DNER: variants seen among roughly 807,000 people sequenced by gnomAD.
DNER encodes delta and Notch-like epidermal growth factor-related receptor.
Under a neutral mutation model 78.2 loss-of-function variants are expected in DNER, and 33 were observed. That is an observed-to-expected ratio of 0.42 (90% CI 0.32 to 0.56). The LOEUF is 0.56. Ranked by LOEUF, DNER falls within the 20% of genes least tolerant of loss-of-function variation. DNER has a pLI of 0.11. For synonymous variants in DNER, 417 were observed against 384.8 expected (o/e 1.08, Z -0.98); for missense variants, 918 against 975.3 (o/e 0.94, Z 0.78).
intron 4 of DNER, among the ~76,000 whole-genome samples, chr2:229,575,930 A>G (rs1697290675): frequency 6.6e-6 from 1 of 152,232 alleles, no homozygotes; most frequent in Non-Finnish European, 1.5e-5. Flanking sequence ...AATTTAAGTA[A>G]AACTCAAATT....
chr2:229,560,407 A>G (rs1696933926), intron 4 of DNER, among the ~76,000 whole-genome samples: 1 of 152,220 alleles, frequency 6.6e-6, no homozygotes, highest in South Asian at 2.1e-4. Flanking sequence ...TTCACAGTCC[A>G]CAAAGTCCCA....
intron 7 of DNER, among the ~76,000 whole-genome samples, chr2:229,460,706 G>A (rs553166398): frequency 6.6e-6 from 1 of 152,060 alleles, no homozygotes; most frequent in Non-Finnish European, 1.5e-5. Context: ...GAGACCAGAC[G>A]TTGGTTGATT....
intron 1 of DNER, among the ~76,000 whole-genome samples, chr2:229,617,692 G>A (rs1193135268): frequency 6.6e-6 from 1 of 152,174 alleles, no homozygotes; most frequent in Non-Finnish European, 1.5e-5. Context: ...GGTAGCTCTC[G>A]CCTATAATCC....
chr2:229,549,464 C>T (rs1157405877), intron 4 of DNER, among the ~76,000 whole-genome samples: 4 of 152,172 alleles, frequency 2.6e-5, no homozygotes, highest in Non-Finnish European at 5.9e-5. Context: ...TGCCATCACA[C>T]CTGGATAATT....
Position 229,591,908 on chromosome 2 carries a change from G to A in DNER, c.277-20C>T, listed in dbSNP as rs372875282. ...AACAAGCTGAAACGAGACCATAAAT[G>A]GGTCAATTATTCCCTCATAAGAAAA... is the stretch of plus-strand genomic sequence containing the variant. On this transcript the variant is annotated intron_variant, in intron 1 of 12. Transcript: ENST00000341772. This position sits in a 1 kb window ranked among gnomAD's most constrained non-coding sequence, Gnocchi z 4.6. The A allele has an allele frequency of 1.5e-5, 22 of 1,498,534 alleles. No homozygotes were observed. Among genetic ancestry groups the A allele is most frequent in the Non-Finnish European group, 2.0e-5 (22 of 1,126,668 alleles). 92.8% of individuals were successfully genotyped at this position (1,498,534 alleles called of 1,614,324 possible). A position where few individuals can be genotyped will look rare whatever the true frequency, so the allele number is the denominator to read the frequency against.
intron 7 of DNER, among the ~76,000 whole-genome samples, chr2:229,450,444 T>C (rs754943770): frequency 1.3e-5 from 2 of 152,214 alleles, no homozygotes; most frequent in Non-Finnish European, 2.9e-5. Flanking sequence ...GGATTAGCAA[T>C]GTCATGGGTT....
intron 4 of DNER, among the ~76,000 whole-genome samples, chr2:229,564,611 A>ACATCACCATCATCATCCTCATCCTCACCC (rs1697064585): frequency 8.2e-6 from 1 of 122,148 alleles, no homozygotes; most frequent in Admixed American, 8.0e-5. Flanking sequence ...CATCCTCACC[A>ACATCACCATCATCATCCTCATCCTCACCC]CATCACCATC....
chr2:229,698,018 T>C (rs920798477), intron 1 of DNER, among the ~76,000 whole-genome samples: 1 of 151,966 alleles, frequency 6.6e-6, no homozygotes, highest in African/African-American at 2.4e-5. Flanking sequence ...CTGGGCAACC[T>C]AGAAGGACCC....
intron 6 of DNER, among the ~76,000 whole-genome samples, chr2:229,493,995 G>T (rs1695454276): frequency 6.6e-6 from 1 of 152,142 alleles, no homozygotes; most frequent in South Asian, 2.1e-4. Context: ...GGCGCTTCGG[G>T]TTCATATAAC....
intron 1 of DNER, among the ~76,000 whole-genome samples, chr2:229,626,855 G>GCCTGTT (rs1177799047): frequency 6.6e-6 from 1 of 152,160 alleles, no homozygotes; most frequent in African/African-American, 2.4e-5. Flanking sequence ...ATGCAGAAAT[G>GCCTGTT]CCTGTTTGAA....
intron 12 of DNER, among the ~76,000 whole-genome samples, chr2:229,365,788 A>G (rs991525235): frequency 1.3e-5 from 2 of 152,316 alleles, no homozygotes; most frequent in East Asian, 3.9e-4. Context: ...AAGATAGATC[A>G]TATAGCACCC....
In DNER at chr2:229,456,378, C is replaced by G. The variant is rs184857168; in HGVS notation, c.1262-8838G>C. Reference sequence around the variant, plus strand: ...GCCCCACCTCCAACACTGGGAATTACGTTTCCACATCAGATTTGAAGGGGA... The same window carrying G: ...GCCCCACCTCCAACACTGGGAATTAGGTTTCCACATCAGATTTGAAGGGGA... On this transcript the variant is annotated intron_variant, in intron 7 of 12. Coordinates refer to ENST00000341772, the MANE Select transcript of DNER (RefSeq NM_139072.4). 1.5e-4 allele frequency among the ~76,000 whole-genome samples: 23 copies of G among 151,614 alleles called. 1 individual carries two copies. The highest frequency in any genetic ancestry group is 2.9e-4 in the Non-Finnish European group (20 of 67,990).
chr2:229,668,518 G>GATACTTACCTATATATAGGTAAGTA (rs1559202046), intron 1 of DNER, among the ~76,000 whole-genome samples: 1 of 53,250 alleles, frequency 1.9e-5, no homozygotes, highest in African/African-American at 1.3e-4. Flanking sequence ...AGGTAAGTAT[G>GATACTTACCTATATATAGGTAAGTA]TGTGTGTGTG....
At chr2:229,581,418 A>T (rs1303398083) in intron 4 of DNER, among the ~76,000 whole-genome samples, 1 of 152,150 alleles carries the variant, frequency 6.6e-6, no homozygotes, top group Non-Finnish European at 1.5e-5. Context: ...ACAAAAGGCT[A>T]ATTTAGATAT....
chr2:229,478,864 T>C (rs547711644), intron 6 of DNER, among the ~76,000 whole-genome samples: 3 of 152,230 alleles, frequency 2.0e-5, no homozygotes, highest in Admixed American at 6.5e-5. Context: ...GTTTGTTACA[T>C]AGGTAAACGT....
intron 5 of DNER, among the ~76,000 whole-genome samples, chr2:229,530,005 A>T (rs1247308670): frequency 8.3e-6 from 1 of 120,596 alleles, no homozygotes; most frequent in African/African-American, 3.1e-5. Context: ...TCAAGTCTTT[A>T]AAAAAAAAAT....
At chr2:229,401,217 A>G (rs1444981368) in intron 10 of DNER, among the ~76,000 whole-genome samples, 1 of 152,066 alleles carries the variant, frequency 6.6e-6, no homozygotes. Context: ...TCACTCAGAC[A>G]TCGTTGGTGG....
chr2:229,510,847 G>C (rs531965589), intron 6 of DNER, among the ~76,000 whole-genome samples: 2 of 152,286 alleles, frequency 1.3e-5, no homozygotes, highest in South Asian at 4.1e-4. Flanking sequence ...CATATAAACT[G>C]ACTTGGTATG....
chr2:229,412,425 G>C (rs1464601083), intron 9 of DNER, among the ~76,000 whole-genome samples: 1 of 152,210 alleles, frequency 6.6e-6, no homozygotes, highest in African/African-American at 2.4e-5. Context: ...AAGAGCTGTA[G>C]AGAATTTAAA....
Sources: allele counts gnomAD v4.1 joint callset (sites outside exome capture counted in the v4.1 genomes callset), GRCh38; gene constraint gnomAD v4.1.1; non-coding constraint Gnocchi (gnomAD v3.1); transcripts MANE v1.5; gene names NCBI Gene and HGNC (gene_info 2026-07-23, HGNC 2026-07-21).